Variants in ADAMTS19 observed in about 807,000 individuals in gnomAD.
ADAMTS19 encodes the protein A disintegrin and metalloproteinase with thrombospondin motifs 19.
In ADAMTS19, 93 loss-of-function variants were observed where a neutral mutation model predicts 153.3. The observed-to-expected ratio is 0.61, with a 90% CI of 0.51 to 0.72. The LOEUF is 0.72. ADAMTS19 is among the 30% of genes least tolerant of loss of function. The pLI, the probability that ADAMTS19 is intolerant of heterozygous loss-of-function variation, is 0.00. For missense variants in ADAMTS19, 1,482 were observed against 1,552.1 expected, an observed-to-expected ratio of 0.95 and a Z score of 0.76; for synonymous variants, 600 against 556.6, an observed-to-expected ratio of 1.08 and a Z score of -1.10.
chr5:129,658,878 T>C, intron 15 of ADAMTS19, 141 bp downstream of exon 15: 3 of 974,638 alleles, frequency 3.1e-6, no homozygotes, highest in Non-Finnish European at 4.3e-6. Context: ...TGTGATGACA[T>C]ACAATACATG....
chr5:129,570,224 T>TA (rs1436227149), intron 7 of ADAMTS19, among the ~76,000 whole-genome samples: 3 of 151,870 alleles, frequency 2.0e-5, no homozygotes, highest in Admixed American at 6.6e-5. Flanking sequence ...AGTTTACTGA[T>TA]ACCAGCAATG....
chr5:129,654,492 G>A, intron 14 of ADAMTS19, 59 bp downstream of exon 14: 3 of 1,561,116 alleles, frequency 1.9e-6, no homozygotes, highest in Non-Finnish European at 2.6e-6. Context: ...TGGGACCACT[G>A]AGCAGCTTCA....
At chr5:129,634,772 A>G (rs758828589) in intron 10 of ADAMTS19, among the ~76,000 whole-genome samples, 1 of 152,150 alleles carries the variant, frequency 6.6e-6, no homozygotes, top group Non-Finnish European at 1.5e-5. Context: ...ACTTACATGT[A>G]AAACCCAAAA....
intron 8 of ADAMTS19, among the ~76,000 whole-genome samples, chr5:129,602,573 AAAT>A (rs1457252105): frequency 6.6e-6 from 1 of 152,164 alleles, no homozygotes; most frequent in African/African-American, 2.4e-5. Context: ...ACAGATGAGA[AAAT>A]AAACTAATAG....
intron 7 of ADAMTS19, among the ~76,000 whole-genome samples, chr5:129,566,222 G>A (rs1472379941): frequency 6.6e-6 from 1 of 152,034 alleles, no homozygotes; most frequent in African/African-American, 2.4e-5. Flanking sequence ...TTGGACAGTG[G>A]AAATAACTCT....
chr5:129,649,128 C>A (rs527818486), intron 13 of ADAMTS19, among the ~76,000 whole-genome samples, 158 bp downstream of exon 13: 1 of 152,106 alleles, frequency 6.6e-6, no homozygotes, highest in East Asian at 1.9e-4. Context: ...CAAGCACTGA[C>A]AAAAATATAT....
chr5:129,701,671 A>G, intron 20 of ADAMTS19, 79 bp downstream of exon 20: 1 of 1,463,306 alleles, frequency 6.8e-7, no homozygotes, highest in African/African-American at 1.4e-5. Context: ...TCATGTTCAG[A>G]ATCTGCATTG....
intron 2 of ADAMTS19, among the ~76,000 whole-genome samples, chr5:129,483,807 C>T (rs1464256121): frequency 6.6e-6 from 1 of 152,092 alleles, no homozygotes. Context: ...AGGCAAATAA[C>T]AATAATTTCA....
chr5:129,470,085 A>G (rs1750014176), intron 2 of ADAMTS19, among the ~76,000 whole-genome samples: 1 of 152,362 alleles, frequency 6.6e-6, no homozygotes, highest in Non-Finnish European at 1.5e-5. Flanking sequence ...GATTTGAGAC[A>G]TGGGCCAATT....
At chr5:129,484,952 A>G (rs1750542618) in intron 2 of ADAMTS19, among the ~76,000 whole-genome samples, 1 of 152,150 alleles carries the variant, frequency 6.6e-6, no homozygotes, top group Admixed American at 6.5e-5. Flanking sequence ...TCTCTCAGTA[A>G]TCGGTAGAAC....
Position 129,461,209 on chromosome 5 carries a change from G to A in ADAMTS19, c.199G>A (p.Gly67Ser). The change falls in exon 2 of 23, where the codon GGC (glycine) becomes AGC (serine). Residue 67 changes from glycine (G) to serine (S), a missense_variant. This residue lies in a region of ADAMTS19 where 866 missense variants were observed against 827.7 expected (regional missense o/e 1.05). Transcript: ENST00000274487. The surrounding 1 kb of genome is among the most constrained non-coding windows in gnomAD (Gnocchi z 4.6). ...CGGCAGCGGGGGCAGCGCGGACCCGGGCTGGGTGCGCGGCGTTGGGGGCGG... is the reference window on the plus strand; with the variant it reads ...CGGCAGCGGGGGCAGCGCGGACCCGAGCTGGGTGCGCGGCGTTGGGGGCGG... ...AGGSGGSADP[G>S]WVRGVGGGGS... 3 of 1,290,542 alleles carry A rather than the reference G, an allele frequency of 2.3e-6. No homozygotes were observed. Among genetic ancestry groups the A allele is most frequent in the Non-Finnish European group, 2.9e-6 (3 of 1,025,252 alleles). The allele number at this position is 1,290,542 out of a possible 1,614,324, so 79.9% of individuals were successfully genotyped here.
intron 2 of ADAMTS19, among the ~76,000 whole-genome samples, chr5:129,490,462 G>T (rs1163121887): frequency 6.6e-5 from 10 of 152,080 alleles, no homozygotes; most frequent in African/African-American, 2.4e-4. Context: ...CCTGCTAGGG[G>T]CTGTGCTAAG....
chr5:129,461,277 G>A lies in ADAMTS19; in HGVS notation c.267G>A (p.Val89=). ...AGGCTGCCGGCAGCTCACGCGAGGTGCGCTCTGTGGCTCCGGTGCCTTTGG... is the reference window on the plus strand; with the variant it reads ...AGGCTGCCGGCAGCTCACGCGAGGTACGCTCTGTGGCTCCGGTGCCTTTGG... ...RAQAAGSSRE[V]RSVAPVPLEE... Residue 89 remains valine, a synonymous_variant, in exon 2 of 23, where the codon GTG becomes GTA. Coordinates refer to ENST00000274487, the MANE Select transcript of ADAMTS19 (RefSeq NM_133638.6). This position sits in a 1 kb window ranked among gnomAD's most constrained non-coding sequence, Gnocchi z 4.6. The A allele has an allele frequency of 7.8e-7, 1 of 1,279,224 alleles. No homozygotes were observed. Among genetic ancestry groups the A allele is most frequent in the Non-Finnish European group, 9.8e-7 (1 of 1,018,930 alleles). 79.2% of individuals were successfully genotyped at this position (1,279,224 alleles called of 1,614,324 possible).
chr5:129,617,021 T>C (rs1297135930), intron 8 of ADAMTS19, among the ~76,000 whole-genome samples: 1 of 151,966 alleles, frequency 6.6e-6, no homozygotes, highest in Non-Finnish European at 1.5e-5. Flanking sequence ...ATTTGTAAAA[T>C]AGAAGTCATG....
chr5:129,521,911 C>T (rs1202475244), intron 3 of ADAMTS19, among the ~76,000 whole-genome samples: 1 of 151,976 alleles, frequency 6.6e-6, no homozygotes, highest in African/African-American at 2.4e-5. Context: ...TACTGATAGA[C>T]AATTAATAGT....
In ADAMTS19 at chr5:129,528,600, G is replaced by A. The variant is rs1752095810; in HGVS notation, c.1251G>A (p.Lys417=). The change falls in exon 6 of 23, where the codon AAG becomes AAA. Residue 417 remains lysine (K), a synonymous_variant. Transcript: ENST00000274487. ...GGCAACATGAAGAATTTGGCAAAAA[G>A]AATGATATACATTTAGAGATGTCAA... ...CKWQHEEFGK[K]NDIHLEMSTN... is the part of the protein sequence containing the mutation. 3.1e-6 allele frequency: 5 copies of A among 1,608,436 alleles called. No individual in the cohort carries two copies. Among genetic ancestry groups the A allele is most frequent in the South Asian group, 1.1e-5 (1 of 90,118 alleles).
At chr5:129,620,818 C>T in intron 9 of ADAMTS19, 60 bp downstream of exon 9, 2 of 1,541,986 alleles carry the variant, frequency 1.3e-6, no homozygotes, top group South Asian at 1.2e-5. Context: ...TTTCTTTTTA[C>T]AAATAGAGAA....
intron 22 of ADAMTS19, among the ~76,000 whole-genome samples, 154 bp from the exon 23 acceptor site, chr5:129,736,913 G>A (rs1267783855): frequency 6.6e-6 from 1 of 152,054 alleles, no homozygotes; most frequent in Non-Finnish European, 1.5e-5. Flanking sequence ...AGGTGTGTAT[G>A]TGTGTGTATC....
intron 10 of ADAMTS19, 99 bp downstream of exon 10, chr5:129,622,447 C>T: frequency 2.3e-6 from 3 of 1,322,358 alleles, no homozygotes; most frequent in Non-Finnish European, 3.1e-6. Flanking sequence ...GGATCAAAAG[C>T]ACCCCAATAT....
Sources: allele counts gnomAD v4.1 joint callset (sites outside exome capture counted in the v4.1 genomes callset), GRCh38; gene constraint gnomAD v4.1.1; regional missense constraint gnomAD v4.1.1; non-coding constraint Gnocchi (gnomAD v3.1); transcripts MANE v1.5; gene names NCBI Gene and HGNC (gene_info 2026-07-23, HGNC 2026-07-21).